Variants in SEZ6 observed in about 807,000 individuals in gnomAD.
SEZ6 encodes the protein seizure related 6 homolog, also known as seizure protein 6 homolog.
Under a neutral mutation model 101.0 loss-of-function variants are expected in SEZ6, and 53 were observed. That is an observed-to-expected ratio of 0.52 (90% CI 0.42 to 0.66). The LOEUF (loss-of-function observed/expected upper bound fraction) is 0.66. Ranked by LOEUF, SEZ6 falls within the 30% of genes least tolerant of loss-of-function variation. SEZ6 has a pLI of 0.00. For synonymous variants in SEZ6, 488 were observed against 512.2 expected, an observed-to-expected ratio of 0.95 and a Z score of 0.64; for missense variants, 1,102 against 1,289.4, an observed-to-expected ratio of 0.85 and a Z score of 2.23.
At chr17:28,967,944 T>C (rs1375026776) in intron 4 of SEZ6, among the ~76,000 whole-genome samples, 3 of 152,174 alleles carry the variant, frequency 2.0e-5, no homozygotes, top group African/African-American at 7.2e-5. Flanking sequence ...TGGAGCCAAG[T>C]CCAGTGCCAG....
intron 5 of SEZ6, among the ~76,000 whole-genome samples, chr17:28,962,135 C>T (rs776622050): frequency 5.3e-5 from 8 of 152,206 alleles, no homozygotes; most frequent in Non-Finnish European, 7.3e-5. Context: ...CCCCTCTCCC[C>T]GCATACCCTC....
Position 28,981,555 on chromosome 17 carries a change from G to C in SEZ6, c.540C>G (p.Ala180=). 6.2e-7 allele frequency: 1 copy of C among 1,612,616 alleles called. No individual in the cohort carries two copies. The highest frequency in any genetic ancestry group is 1.3e-5 in the African/African-American group (1 of 75,048). The change falls in exon 2 of 17, where the codon GCC becomes GCG. Residue 180 remains alanine (A), a synonymous_variant. Transcript: ENST00000317338. ...EIASTTPPSR[A]WTPTQEGPGD... is the part of the protein sequence containing the mutation. ...CAGGACCCTCTTGGGTTGGTGTCCA[G>C]GCTCTGCTGGGGGGTGTAGTGCTGG... is the stretch of plus-strand genomic sequence containing the variant.
At chr17:28,960,385 G>T in intron 7 of SEZ6, 120 bp downstream of exon 7, 1 of 1,335,584 alleles carries the variant, frequency 7.5e-7, no homozygotes. Context: ...AGTGAGCAGG[G>T]GCTGACTTGG....
Position 29,005,909 on chromosome 17 carries a change from G to A in SEZ6, c.-40C>T, listed in dbSNP as rs2041683959. 1 of 1,403,352 alleles carries A rather than the reference G, an allele frequency of 7.1e-7. No individual in the cohort carries two copies. Among genetic ancestry groups the A allele is most frequent in the African/African-American group, 1.5e-5 (1 of 66,942 alleles). 86.9% of individuals were successfully genotyped at this position (1,403,352 alleles called of 1,614,324 possible). A position where few individuals can be genotyped will look rare whatever the true frequency, so the allele number is the denominator to read the frequency against. ...CCGCGCCCTGGGCTGGGACCGCGGC[G>A]GGAGGGCGGGGGGCTTGGTGGGGCT... On this transcript the variant is annotated 5_prime_UTR_variant, in exon 1 of 17. Transcript: ENST00000317338. The surrounding 1 kb of genome is among the most constrained non-coding windows in gnomAD (Gnocchi z 4.8).
Position 28,964,074 on chromosome 17 carries a change from C to A in SEZ6, c.1128G>T (p.Gly376=). 6.2e-7 allele frequency: 1 copy of A among 1,608,328 alleles called. No homozygotes were observed. Among genetic ancestry groups the A allele is most frequent in the Non-Finnish European group, 8.5e-7 (1 of 1,177,330 alleles). Residue 376 remains glycine (G), a synonymous_variant, in exon 5 of 17, where the codon GGG becomes GGT. Transcript: ENST00000317338. ...TGGCACAATGGAAGCGGGCACTACC[C>A]CCTGGGTGGAGGCTGGTGACAGTCA... ...GDVTVTSLHP[G]GSARFHCATG...
Position 28,956,231 on chromosome 17 carries a change from G to A in SEZ6, c.2880C>T (p.Pro960=). 1.9e-6 allele frequency: 1 copy of A among 523,178 alleles called. No homozygotes were observed. Among genetic ancestry groups the A allele is most frequent in the South Asian group, 1.5e-5 (1 of 68,846 alleles). 32.4% of individuals were successfully genotyped at this position (523,178 alleles called of 1,614,324 possible). Residue 960 remains proline, a synonymous_variant, in exon 16 of 17, where the codon CCC becomes CCT. Coordinates refer to ENST00000317338, the MANE Select transcript of SEZ6 (RefSeq NM_178860.5). ...RLQGKSSLQL[P]RPRPRPYNRI... ...GGTTGTAGGGGCGGGGGCGGGGGCG[G>A]GGCAGCTGCAGGGAGCTTTTTCCCT...
intron 1 of SEZ6, among the ~76,000 whole-genome samples, chr17:28,982,346 G>A (rs1598201513): frequency 1.3e-5 from 2 of 152,132 alleles, no homozygotes; most frequent in Admixed American, 1.3e-4. Context: ...AGCACTCCAC[G>A]AGGTCACACC....
chr17:28,960,830 CCTT>C lies in SEZ6; in HGVS notation c.1381_1383del (p.Lys461del). 1.2e-6 allele frequency: 2 copies of C among 1,613,940 alleles called. No homozygotes were observed. The highest frequency in any genetic ancestry group is 1.7e-6 in the Non-Finnish European group (2 of 1,179,854). On this transcript the variant is annotated inframe_deletion, in exon 6 of 17. Coordinates refer to ENST00000317338, the MANE Select transcript of SEZ6 (RefSeq NM_178860.5). ...CTGTCATCATCCTCTGCCAGGGAAA[CCTT>C]CTCAAAGTGCAGGTGTAGCCGCTGG...
chr17:28,978,315 C>T (rs1423128577), intron 3 of SEZ6, among the ~76,000 whole-genome samples: 2 of 152,326 alleles, frequency 1.3e-5, no homozygotes, highest in South Asian at 2.1e-4. Flanking sequence ...TCCCTTTGTC[C>T]GATCATTCAG....
chr17:28,975,962 G>A (rs1350419337), intron 3 of SEZ6, among the ~76,000 whole-genome samples: 2 of 152,254 alleles, frequency 1.3e-5, no homozygotes, highest in Admixed American at 6.5e-5. Context: ...CCCTCAGGGG[G>A]AGACTGACTG....
intron 1 of SEZ6, 116 bp from the exon 2 acceptor site, chr17:28,982,155 C>T: frequency 2.1e-6 from 3 of 1,427,558 alleles, no homozygotes; most frequent in Non-Finnish European, 2.7e-6. Flanking sequence ...GAGGAGCGTG[C>T]TCACTGCTGA....
At position 28,957,086 on chromosome 17, in the gene SEZ6, T is replaced by A. The variant is rs2152682876; in HGVS notation, c.2651A>T (p.His884Leu). 1.2e-6 allele frequency: 2 copies of A among 1,609,226 alleles called. No individual in the cohort carries two copies. Residue 884 changes from histidine (H) to leucine (L), a missense_variant, in exon 13 of 17, where the codon CAC becomes CTC. Coordinates refer to ENST00000317338, the MANE Select transcript of SEZ6 (RefSeq NM_178860.5). ...GQASIKCVPG[H>L]PSHWSDPPPI... ...TGGGGGGTCACTCCAATGCGAGGGG[T>A]GCCCAGGCACACACTTGATGCTGGC...
intron 1 of SEZ6, among the ~76,000 whole-genome samples, chr17:28,999,363 C>A (rs2041584389): frequency 6.6e-6 from 1 of 152,138 alleles, no homozygotes; most frequent in South Asian, 2.1e-4. Context: ...TCAGTCCCTG[C>A]TCATCTCCTG....
chr17:28,992,123 G>T (rs2041469774), intron 1 of SEZ6, among the ~76,000 whole-genome samples: 1 of 152,186 alleles, frequency 6.6e-6, no homozygotes, highest in African/African-American at 2.4e-5. Flanking sequence ...ACCTGCTATG[G>T]GCTAGCCATG....
At position 28,981,526 on chromosome 17, in the gene SEZ6, T is replaced by C. The variant is rs1212234823; in HGVS notation, c.569A>G (p.Asp190Gly). 1.9e-6 allele frequency: 3 copies of C among 1,611,804 alleles called. No individual in the cohort carries two copies. Among genetic ancestry groups the C allele is most frequent in the Admixed American group, 3.4e-5 (2 of 59,662 alleles). The change falls in exon 2 of 17, where the codon GAC (aspartate) becomes GGC (glycine). Residue 190 changes from aspartate to glycine, a missense_variant. By Grantham distance (94) the Asp-to-Gly change is moderately conservative. Around this residue, in one of 3 missense-constraint regions of SEZ6, gnomAD observed 406 missense variants for 418.6 expected, o/e 0.97. Transcript: ENST00000317338. ...CTCTGCAACCCACGGCCTTCCCATG[T>C]CTCCAGGACCCTCTTGGGTTGGTGT... ...AWTPTQEGPG[D>G]MGRPWVAEVV...
At chr17:28,966,781 A>G (rs1257359257) in intron 4 of SEZ6, among the ~76,000 whole-genome samples, 1 of 151,452 alleles carries the variant, frequency 6.6e-6, no homozygotes, top group African/African-American at 2.4e-5. Flanking sequence ...AAAGAAAAAG[A>G]GGCTGTCTCA....
At chr17:29,000,229 C>T (rs535317509) in intron 1 of SEZ6, among the ~76,000 whole-genome samples, 2 of 152,322 alleles carry the variant, frequency 1.3e-5, no homozygotes, top group South Asian at 2.1e-4. Context: ...GAAGCTCTCC[C>T]CTATGCCGGG....
chr17:28,973,338 A>C (rs9894716), intron 3 of SEZ6, among the ~76,000 whole-genome samples: 2,275 of 152,206 alleles, frequency 0.015, 45 homozygotes, highest in African/African-American at 0.049. Flanking sequence ...CAAGCTCAGC[A>C]CCCCCAGGTT....
intron 1 of SEZ6, among the ~76,000 whole-genome samples, chr17:28,998,484 G>A (rs780500753): frequency 2.0e-5 from 3 of 151,948 alleles, no homozygotes; most frequent in Admixed American, 2.0e-4. Flanking sequence ...CAGCACATGC[G>A]ATTTGGTGCT....
Sources: gnomAD v4.1 joint callset for allele counts (sites outside exome capture counted in the v4.1 genomes callset) on GRCh38, gnomAD v4.1.1 for gene constraint, gnomAD v4.1.1 regional missense constraint, Gnocchi (gnomAD v3.1) non-coding constraint, MANE v1.5 for transcripts, NCBI Gene and HGNC (gene_info 2026-07-23, HGNC 2026-07-21) for gene names.